The following HIF1A variants were observed in gnomAD, a reference collection of about 807,000 sequenced individuals.
HIF1A encodes hypoxia inducible factor 1 subunit alpha, also known as hypoxia-inducible factor 1-alpha.
In HIF1A, 24 loss-of-function variants were observed where a neutral mutation model predicts 92.7. The ratio of observed to expected loss-of-function variants is 0.26; its 90% CI spans 0.19 to 0.36. The LOEUF (loss-of-function observed/expected upper bound fraction) is 0.36. Ranked by LOEUF, HIF1A falls within the 10% of genes least tolerant of loss-of-function variation. The pLI is 1.00. For synonymous variants in HIF1A, 319 were observed against 338.7 expected (o/e 0.94, Z 0.64); for missense variants, 799 against 998.5 (o/e 0.80, Z 2.69).
At chr14:61,743,180 T>C (rs956781693) in intron 12 of HIF1A, among the ~76,000 whole-genome samples, 1 of 152,074 alleles carries the variant, frequency 6.6e-6, no homozygotes, top group Non-Finnish European at 1.5e-5. Context: ...CAAGCAAATC[T>C]CGTGCCTCAG....
intron 1 of HIF1A, chr14:61,697,814 G>A (rs966008375): frequency 2.0e-6 from 3 of 1,484,622 alleles, no homozygotes; most frequent in Non-Finnish European, 2.7e-6. Flanking sequence ...GTTGAGGGAC[G>A]GAGATTTTCT....
Position 61,741,022 on chromosome 14 carries a change from T to A in HIF1A, c.1927T>A (p.Ser643Thr). 1 of 1,614,078 alleles carries A rather than the reference T, an allele frequency of 6.2e-7. No individual in the cohort carries two copies. The highest frequency in any genetic ancestry group is 8.5e-7 in the Non-Finnish European group (1 of 1,179,988). The stretch of plus-strand genomic sequence containing the variant: ...CATTAAAATATTGATTGCATCTCCA[T>A]CTCCTACCCACATACATAAAGAAAC... ...EDIKILIASP[S>T]PTHIHKETTS... is the part of the protein sequence containing the mutation. Residue 643 changes from serine to threonine, a missense_variant, in exon 12 of 15, where the codon TCT becomes ACT. By Grantham distance (58) the Ser-to-Thr change is moderately conservative. Coordinates refer to ENST00000337138, the MANE Select transcript of HIF1A (RefSeq NM_001530.4).
chr14:61,742,031 G>A lies in HIF1A; in HGVS notation c.2093+843G>A, dbSNP rs142660658. Among the ~76,000 whole-genome samples the A allele has an allele frequency of 4.2e-3, 632 of 151,908 alleles. 3 individuals carry two copies. The highest frequency in any genetic ancestry group is 0.014 in the African/African-American group (596 of 41,402). ...TAAAGTTGCTTTTATTTTTCATTAC[G>A]TATTTGTAGAACATTAGCTATATAT... On this transcript the variant is annotated intron_variant, in intron 12 of 14. Transcript: ENST00000337138.
intron 4 of HIF1A, chr14:61,726,301 A>T (rs2044503293): frequency 6.5e-6 from 1 of 153,296 alleles, no homozygotes; most frequent in African/African-American, 2.4e-5. Context: ...AAAGACATAG[A>T]GTGCTTATTA....
intron 13 of HIF1A, 196 bp from the exon 14 acceptor site, chr14:61,745,493 CTA>C (rs1315443450): frequency 1.2e-5 from 7 of 587,472 alleles, no homozygotes; most frequent in Non-Finnish European, 1.8e-5. Context: ...TATTTTCAAA[CTA>C]AATTAACTGG....
At chr14:61,699,292 T>A (rs1386845343) in intron 1 of HIF1A, among the ~76,000 whole-genome samples, 2 of 152,240 alleles carry the variant, frequency 1.3e-5, no homozygotes, top group Non-Finnish European at 2.9e-5. Context: ...GTTTGGAGAA[T>A]GTCAACTTTT....
Position 61,741,207 on chromosome 14 carries a change from C to G in HIF1A, c.2093+19C>G. On this transcript the variant is annotated intron_variant, in intron 12 of 14. Coordinates refer to ENST00000337138, the MANE Select transcript of HIF1A (RefSeq NM_001530.4). ...GTCAAAGGTATTTATATGTAACATT[C>G]AAGTTATAGTTCTTTTATTATTTTT... The G allele has an allele frequency of 1.3e-6, 2 of 1,484,978 alleles. No homozygotes were observed. Among genetic ancestry groups the G allele is most frequent in the Non-Finnish European group, 1.8e-6 (2 of 1,088,886 alleles). The allele number at this position is 1,484,978 out of a possible 1,614,324, so 92.0% of individuals were successfully genotyped here.
chr14:61,707,253 C>G (rs2044249421), intron 1 of HIF1A, among the ~76,000 whole-genome samples: 1 of 152,074 alleles, frequency 6.6e-6, no homozygotes, highest in Non-Finnish European at 1.5e-5. Context: ...TCTCAGGCGC[C>G]ATTCAGACTT....
chr14:61,742,747 G>C (rs2044728005), intron 12 of HIF1A, among the ~76,000 whole-genome samples: 1 of 151,896 alleles, frequency 6.6e-6, no homozygotes, highest in Non-Finnish European at 1.5e-5. Context: ...AGCTGGGCGT[G>C]GTGGCACGTG....
Position 61,704,210 on chromosome 14 carries a change from G to A in HIF1A, c.35+8371G>A, listed in dbSNP as rs180761909. On this transcript the variant is annotated intron_variant, in intron 1 of 14. Coordinates refer to ENST00000337138, the MANE Select transcript of HIF1A (RefSeq NM_001530.4). The stretch of plus-strand genomic sequence containing the variant: ...ATATATTCATAATATTATAGTATTG[G>A]TTAAGTTGTTTTCAACATTGTTTAG... Among the ~76,000 whole-genome samples the A allele has an allele frequency of 1.1e-3, 172 of 152,268 alleles. 2 individuals are homozygous for A. Among genetic ancestry groups the A allele is most frequent in the Middle Eastern group, 6.8e-3 (2 of 294 alleles).
At chr14:61,713,487 C>G (rs111355743) in intron 1 of HIF1A, among the ~76,000 whole-genome samples, 1 of 152,094 alleles carries the variant, frequency 6.6e-6, no homozygotes, top group African/African-American at 2.4e-5. Flanking sequence ...ATGTCCTTCA[C>G]GATGCAGCTA....
intron 1 of HIF1A, among the ~76,000 whole-genome samples, chr14:61,718,822 AAT>A (rs1236650210): frequency 2.6e-5 from 4 of 152,206 alleles, no homozygotes; most frequent in African/African-American, 7.2e-5. Context: ...AGATGAAGAT[AAT>A]AGTTTTTAAT....
At position 61,734,019 on chromosome 14, in the gene HIF1A, T is replaced by G. The variant is rs139749911; in HGVS notation, c.881-119T>G. The G allele has an allele frequency of 2.0e-5, 13 of 656,310 alleles. No homozygotes were observed. The African/African-American group carries it at 2.2e-4, about 11-fold the overall frequency. 40.7% of individuals were successfully genotyped at this position (656,310 alleles called of 1,614,324 possible). On this transcript the variant is annotated intron_variant, in intron 7 of 14. Coordinates refer to ENST00000337138, the MANE Select transcript of HIF1A (RefSeq NM_001530.4). ...CAGAATGTAAGCAGTTACAACTGAT[T>G]CCACTAAATAAACATTTGTTTTCCA...
intron 1 of HIF1A, 154 bp from the exon 2 acceptor site, chr14:61,720,228 A>T: frequency 1.8e-6 from 1 of 549,182 alleles, no homozygotes; most frequent in Non-Finnish European, 3.1e-6. Flanking sequence ...TTATAAAAGT[A>T]CATTAATCTA....
chr14:61,702,160 G>A (rs2044184521), intron 1 of HIF1A, among the ~76,000 whole-genome samples: 2 of 151,512 alleles, frequency 1.3e-5, no homozygotes, highest in South Asian at 4.2e-4. Flanking sequence ...CGGCACGGTG[G>A]CTCCTGCCTG....
intron 1 of HIF1A, among the ~76,000 whole-genome samples, chr14:61,718,337 A>G (rs1202041947): frequency 6.6e-6 from 1 of 151,986 alleles, no homozygotes; most frequent in Non-Finnish European, 1.5e-5. Context: ...ATTGACCATC[A>G]CTCTATTTTA....
At chr14:61,702,550 A>G (rs1047041930) in intron 1 of HIF1A, among the ~76,000 whole-genome samples, 2 of 151,822 alleles carry the variant, frequency 1.3e-5, no homozygotes, top group African/African-American at 2.4e-5. Flanking sequence ...TTTTTTTGAT[A>G]TAGATATTTA....
At position 61,709,684 on chromosome 14, in the gene HIF1A, T is replaced by C. The variant is rs73327414; in HGVS notation, c.36-10698T>C. Among the ~76,000 whole-genome samples the C allele has an allele frequency of 5.1e-3, 776 of 152,320 alleles. 6 individuals carry two copies. The highest frequency in any genetic ancestry group is 0.018 in the African/African-American group (728 of 41,576). ...TAAGTGTATGCATTCTGAACATTTT[T>C]CTTTAGAAACAAACCATTTCATCTG... On this transcript the variant is annotated intron_variant, in intron 1 of 14. Coordinates refer to ENST00000337138, the MANE Select transcript of HIF1A (RefSeq NM_001530.4).
chr14:61,711,600 C>G (rs1421446199), intron 1 of HIF1A, among the ~76,000 whole-genome samples: 1 of 152,070 alleles, frequency 6.6e-6, no homozygotes, highest in Non-Finnish European at 1.5e-5. Flanking sequence ...TATGGTGATA[C>G]TCTTCATTGT....
Sources: allele counts gnomAD v4.1 joint callset (sites outside exome capture counted in the v4.1 genomes callset), GRCh38; gene constraint gnomAD v4.1.1; transcripts MANE v1.5; gene names NCBI Gene and HGNC (gene_info 2026-07-23, HGNC 2026-07-21).